SLC4A5: variants seen among roughly 807,000 people sequenced by gnomAD.
SLC4A5 encodes solute carrier family 4 member 5.
In SLC4A5, 96 loss-of-function variants were observed where a neutral mutation model predicts 120.4. The ratio of observed to expected loss-of-function variants is 0.80; its 90% CI spans 0.68 to 0.94. The LOEUF (loss-of-function observed/expected upper bound fraction) is 0.94, where lower values mean the gene tolerates loss of function less well. SLC4A5 is among the 40% of genes least tolerant of loss of function. SLC4A5 has a pLI of 0.00. For synonymous variants in SLC4A5, 550 were observed against 571.1 expected (o/e 0.96, Z 0.53); for missense variants, 1,259 against 1,459.5 (o/e 0.86, Z 2.24).
intron 19 of SLC4A5, among the ~76,000 whole-genome samples, 187 bp downstream of exon 19, chr2:74,246,849 T>C (rs562746660): frequency 4.7e-4 from 72 of 152,336 alleles, no homozygotes; most frequent in South Asian, 8.3e-4. Context: ...GTGACTCTTA[T>C]TAGAGCTACT....
chr2:74,222,896 A>G, exon 29 of SLC4A5: 2 of 1,613,684 alleles, frequency 1.2e-6, no homozygotes, highest in South Asian at 1.1e-5. Context: ...CGTTTTGGGG[A>G]TCTGATTGGA....
intron 8 of SLC4A5, among the ~76,000 whole-genome samples, chr2:74,280,167 C>T (rs912457632): frequency 9.2e-5 from 14 of 152,138 alleles, no homozygotes; most frequent in Admixed American, 7.9e-4. Flanking sequence ...TTCTACAGTC[C>T]AGCCACAGGA....
chr2:74,264,250 G>T, exon 10 of SLC4A5: 2 of 1,614,208 alleles, frequency 1.2e-6, no homozygotes, highest in Non-Finnish European at 1.7e-6. Flanking sequence ...CCCTCTCCCG[G>T]AGCTCTGGCC....
chr2:74,228,662 GCC>G (rs1694938600), intron 25 of SLC4A5, among the ~76,000 whole-genome samples: 2 of 62,520 alleles, frequency 3.2e-5, no homozygotes, highest in African/African-American at 9.1e-5. Flanking sequence ...AAACCCCCCC[GCC>G]CCCCAAAAAA....
intron 7 of SLC4A5, among the ~76,000 whole-genome samples, chr2:74,290,024 T>C (rs1410581849): frequency 1.3e-5 from 2 of 152,216 alleles, no homozygotes; most frequent in Non-Finnish European, 2.9e-5. Flanking sequence ...TTCTAGGTTC[T>C]AGCATGTCCC....
chr2:74,331,977 C>T (rs1240534693), intron 4 of SLC4A5, among the ~76,000 whole-genome samples: 1 of 152,156 alleles, frequency 6.6e-6, no homozygotes, highest in Non-Finnish European at 1.5e-5. Context: ...CTAGGAAGGG[C>T]AGGTTCTTGC....
chr2:74,286,742 T>C (rs1671996435), intron 7 of SLC4A5, among the ~76,000 whole-genome samples: 1 of 152,198 alleles, frequency 6.6e-6, no homozygotes, highest in African/African-American at 2.4e-5. Context: ...CTACAGTAGA[T>C]AGCATGGTCA....
intron 5 of SLC4A5, among the ~76,000 whole-genome samples, chr2:74,320,086 A>G (rs1673058870): frequency 6.6e-6 from 1 of 152,202 alleles, no homozygotes; most frequent in Non-Finnish European, 1.5e-5. Context: ...TTGAAGGAGT[A>G]TATCAGATAA....
chr2:74,254,763 G>C, intron 13 of SLC4A5, 57 bp from the exon 14 acceptor site: 1 of 1,301,724 alleles, frequency 7.7e-7, no homozygotes, highest in South Asian at 1.2e-5. Context: ...GCATGAAAGT[G>C]AGAAGGAAAA....
At chr2:74,246,664 C>T (rs763562754) in intron 19 of SLC4A5, among the ~76,000 whole-genome samples, 3 of 152,202 alleles carry the variant, frequency 2.0e-5, no homozygotes, top group African/African-American at 4.8e-5. Flanking sequence ...CTCATCGTAT[C>T]ATGACTTGAT....
rs941853432 is a variant in SLC4A5 at position 74,250,285 on chromosome 2, C to T, written c.1653+58G>A. 2.9e-5 allele frequency: 45 copies of T among 1,567,744 alleles called. No homozygotes were observed. The Admixed American group carries it at 3.2e-4, about 11-fold the overall frequency. ...TGGGATTACAGGATGAAGCTTCCTG[C>T]TGCCACCAGGTGGCGGCAGATCTTA... On this transcript the variant is annotated intron_variant, in intron 17 of 30. Transcript: ENST00000394019.
At chr2:74,334,264 A>T (rs1259301770) in intron 3 of SLC4A5, 87 bp from the exon 4 acceptor site, 2 of 152,200 alleles carry the variant, frequency 1.3e-5, no homozygotes, top group Non-Finnish European at 2.9e-5. Context: ...GCTGTGGAGG[A>T]GTTCTCTTTC....
intron 8 of SLC4A5, among the ~76,000 whole-genome samples, chr2:74,268,076 C>T (rs764949876): frequency 6.6e-5 from 10 of 151,920 alleles, no homozygotes; most frequent in Admixed American, 3.3e-4. Flanking sequence ...CTGAAAATCT[C>T]GAGTAAGTTA....
chr2:74,307,113 G>A (rs1672667452), intron 6 of SLC4A5: 7 of 550,496 alleles, frequency 1.3e-5, no homozygotes, highest in South Asian at 1.0e-4. Context: ...GGACTGGACT[G>A]TACGTCTCAG....
At chr2:74,291,991 G>A (rs1221070983) in intron 7 of SLC4A5, among the ~76,000 whole-genome samples, 1 of 152,134 alleles carries the variant, frequency 6.6e-6, no homozygotes, top group Non-Finnish European at 1.5e-5. Context: ...TTCATGTGGT[G>A]TTTTAAGAGC....
At chr2:74,263,378 G>A (rs907833947) in intron 10 of SLC4A5, among the ~76,000 whole-genome samples, 6 of 152,176 alleles carry the variant, frequency 3.9e-5, no homozygotes, top group Admixed American at 3.9e-4. Flanking sequence ...GGGCCACCAT[G>A]TCCGGCCCAC....
intron 8 of SLC4A5, 124 bp downstream of exon 8, chr2:74,285,649 G>T: frequency 8.8e-7 from 1 of 1,131,554 alleles, no homozygotes. Flanking sequence ...GAAGGCAGCT[G>T]GGAGGGTCTT....
rs1324315770 is a variant in SLC4A5 at position 74,244,442 on chromosome 2, TTTC to T, written c.2060-2393_2060-2391del. Among the ~76,000 whole-genome samples the T allele has an allele frequency of 5.9e-5, 8 of 135,994 alleles. No individual in the cohort carries two copies. The East Asian group carries it at 1.4e-3, about 25-fold the overall frequency. 89.2% of individuals were successfully genotyped at this position (135,994 alleles called of 152,430 possible). A position where few individuals can be genotyped will look rare whatever the true frequency, so the allele number is the denominator to read the frequency against. ...CCCTCCTTCCCTTTCTTTCCTTTCC[TTTC>T]TTTTCTTTCCTTCCTTTTCTTTCTC... is the stretch of plus-strand genomic sequence containing the variant. On this transcript the variant is annotated intron_variant, in intron 19 of 30. Coordinates refer to ENST00000394019, the Ensembl canonical transcript of SLC4A5.
chr2:74,244,248 G>A (rs573564911), intron 19 of SLC4A5, among the ~76,000 whole-genome samples: 11 of 152,160 alleles, frequency 7.2e-5, no homozygotes, highest in African/African-American at 1.9e-4. Flanking sequence ...GGTCAATAAC[G>A]GCCCATTATT....
Sources: gnomAD v4.1 joint callset for allele counts (sites outside exome capture counted in the v4.1 genomes callset) on GRCh38, gnomAD v4.1.1 for gene constraint, MANE v1.5 for transcripts, NCBI Gene and HGNC (gene_info 2026-07-23, HGNC 2026-07-21) for gene names.